The following APBB1IP variants were observed in gnomAD, a reference collection of about 807,000 sequenced individuals.
APBB1IP encodes amyloid beta precursor protein binding family B member 1 interacting protein.
Under a neutral mutation model 64.9 loss-of-function variants are expected in APBB1IP, and 27 were observed. The observed-to-expected ratio is 0.42, with a 90% CI of 0.31 to 0.57. The LOEUF is 0.57. Ranked by LOEUF, APBB1IP falls within the 20% of genes least tolerant of loss-of-function variation. The probability of loss-of-function intolerance (pLI) is 0.20; values close to 1 mark genes in which losing one functional copy is unlikely to be tolerated. For missense variants in APBB1IP, 812 were observed against 845.5 expected, an observed-to-expected ratio of 0.96 and a Z score of 0.49; for synonymous variants, 392 against 331.0, an observed-to-expected ratio of 1.18 and a Z score of -2.00.
intron 2 of APBB1IP, among the ~76,000 whole-genome samples, chr10:26,446,275 A>G (rs1835397470): frequency 6.6e-6 from 1 of 152,218 alleles, no homozygotes; most frequent in African/African-American, 2.4e-5. Context: ...CAATGAACTC[A>G]TTAGGTTTTG....
intron 2 of APBB1IP, among the ~76,000 whole-genome samples, chr10:26,481,290 TCTCA>T (rs1835831765): frequency 6.6e-6 from 1 of 152,108 alleles, no homozygotes; most frequent in African/African-American, 2.4e-5. Flanking sequence ...TGTTCAGTTC[TCTCA>T]CTTTTTTCTA....
chr10:26,506,969 G>A (rs553034496), intron 6 of APBB1IP, among the ~76,000 whole-genome samples: 2 of 152,262 alleles, frequency 1.3e-5, no homozygotes, highest in East Asian at 1.9e-4. Flanking sequence ...GATGCATGTG[G>A]GTGTGGTGCT....
At chr10:26,519,791 G>A (rs1836381183) in intron 8 of APBB1IP, among the ~76,000 whole-genome samples, 1 of 152,178 alleles carries the variant, frequency 6.6e-6, no homozygotes, top group South Asian at 2.1e-4. Flanking sequence ...CCAATTTTAA[G>A]TAAATGTATT....
chr10:26,453,891 A>G (rs970729269), intron 2 of APBB1IP, among the ~76,000 whole-genome samples: 3 of 152,244 alleles, frequency 2.0e-5, no homozygotes, highest in Non-Finnish European at 4.4e-5. Context: ...GAAGGAAATC[A>G]GTATATCAAA....
At chr10:26,557,810 G>A (rs571246894) in intron 11 of APBB1IP, among the ~76,000 whole-genome samples, 1 of 152,332 alleles carries the variant, frequency 6.6e-6, no homozygotes, top group African/African-American at 2.4e-5. Flanking sequence ...AGAGTGACTA[G>A]ACGCTGCCAG....
rs1364945625 is a variant in APBB1IP, at chr10:26,550,362, ACT to A, written c.1155+8677_1155+8678del. On this transcript the variant is annotated intron_variant, in intron 11 of 14. Transcript: ENST00000376236. ...AGCTTTCTATCCCTTTTCATTCTTT[ACT>A]CTCTCTTTAAAGTTAGTTACATGTA... 2.7e-4 allele frequency among the ~76,000 whole-genome samples: 41 copies of A among 149,168 alleles called. 1 individual carries two copies. Among genetic ancestry groups the A allele is most frequent in the Admixed American group, 2.7e-3 (40 of 14,978 alleles).
At chr10:26,526,508 CAGG>C (rs954708997) in intron 8 of APBB1IP, among the ~76,000 whole-genome samples, 14 of 140,810 alleles carry the variant, frequency 9.9e-5, no homozygotes, top group African/African-American at 3.5e-4. Flanking sequence ...ATCACGAAGT[CAGG>C]AGATCAAGAC....
At chr10:26,446,541 T>G (rs1330621280) in intron 2 of APBB1IP, among the ~76,000 whole-genome samples, 5 of 152,342 alleles carry the variant, frequency 3.3e-5, no homozygotes, top group Non-Finnish European at 5.9e-5. Flanking sequence ...CAGTACTCAC[T>G]GTTCCTCAAG....
chr10:26,468,712 G>A (rs146295196), intron 2 of APBB1IP, among the ~76,000 whole-genome samples: 239 of 152,318 alleles, frequency 1.6e-3, no homozygotes, highest in African/African-American at 5.6e-3. Flanking sequence ...AATAGCCACT[G>A]GTCCAGCCAT....
intron 14 of APBB1IP, among the ~76,000 whole-genome samples, chr10:26,566,265 TAG>T (rs968524502): frequency 6.6e-6 from 1 of 151,754 alleles, no homozygotes; most frequent in Non-Finnish European, 1.5e-5. Flanking sequence ...AAAATATATA[TAG>T]AGAGAGAGAC....
At chr10:26,510,892 G>A (rs1722127804) in intron 6 of APBB1IP, among the ~76,000 whole-genome samples, 1 of 152,076 alleles carries the variant, frequency 6.6e-6, no homozygotes, top group Non-Finnish European at 1.5e-5. Context: ...CTGTCTCTCA[G>A]TGGGGCCCCC....
At chr10:26,475,047 G>C (rs1032926660) in intron 2 of APBB1IP, among the ~76,000 whole-genome samples, 4 of 152,128 alleles carry the variant, frequency 2.6e-5, no homozygotes, top group African/African-American at 9.7e-5. Context: ...AGATGAGAAC[G>C]TGGCTCTATG....
intron 9 of APBB1IP, 99 bp from the exon 10 acceptor site, chr10:26,535,975 C>A: frequency 7.7e-7 from 1 of 1,299,328 alleles, no homozygotes; most frequent in Non-Finnish European, 1.1e-6. Flanking sequence ...ACAAAATTGA[C>A]TTTTAGTTTA....
chr10:26,447,169 C>T (rs185433353), intron 2 of APBB1IP, among the ~76,000 whole-genome samples: 2 of 151,634 alleles, frequency 1.3e-5, no homozygotes, highest in African/African-American at 2.4e-5. Flanking sequence ...GTCAGGAGAT[C>T]GAGACCATCC....
chr10:26,460,701 C>T (rs538811908), intron 2 of APBB1IP, among the ~76,000 whole-genome samples: 58 of 152,258 alleles, frequency 3.8e-4, no homozygotes, highest in Admixed American at 7.9e-4. Flanking sequence ...AATGCAGGAA[C>T]GGAAAACTAC....
At chr10:26,478,631 G>GA (rs1835802993) in intron 2 of APBB1IP, among the ~76,000 whole-genome samples, 1 of 151,286 alleles carries the variant, frequency 6.6e-6, no homozygotes, top group Non-Finnish European at 1.5e-5. Context: ...AAAAAAAAAG[G>GA]AAAAGAAAGA....
At chr10:26,521,235 T>C (rs939923900) in intron 8 of APBB1IP, among the ~76,000 whole-genome samples, 9 of 152,186 alleles carry the variant, frequency 5.9e-5, no homozygotes, top group Non-Finnish European at 1.0e-4. Flanking sequence ...AAGACCATCA[T>C]TGGTTCTCCA....
Position 26,567,643 on chromosome 10 carries a change from A to G in APBB1IP, c.*155A>G, listed in dbSNP as rs1358489210. The G allele has an allele frequency of 1.4e-6, 2 of 1,391,860 alleles. No homozygotes were observed. Among genetic ancestry groups the G allele is most frequent in the Admixed American group, 4.8e-5 (2 of 41,882 alleles). 86.2% of individuals were successfully genotyped at this position (1,391,860 alleles called of 1,614,324 possible). A position where few individuals can be genotyped will look rare whatever the true frequency, so the allele number is the denominator to read the frequency against. Reference sequence around the variant, plus strand: ...CAAGTACAGGCATAACCATTAACCCAGTAGAGTTCAGAATATCTGCCCAAA... The same window carrying G: ...CAAGTACAGGCATAACCATTAACCCGGTAGAGTTCAGAATATCTGCCCAAA... On this transcript the variant is annotated 3_prime_UTR_variant, in exon 15 of 15. Coordinates refer to ENST00000376236, the MANE Select transcript of APBB1IP (RefSeq NM_019043.4).
intron 6 of APBB1IP, among the ~76,000 whole-genome samples, chr10:26,511,209 T>C (rs3781104): frequency 0.14 from 21,073 of 152,022 alleles, 1,787 homozygotes; most frequent in East Asian, 0.33. Flanking sequence ...CTGGGCATGG[T>C]AGCAGGCACC....
Sources: gnomAD v4.1 joint callset for allele counts (sites outside exome capture counted in the v4.1 genomes callset) on GRCh38, gnomAD v4.1.1 for gene constraint, MANE v1.5 for transcripts, NCBI Gene and HGNC (gene_info 2026-07-23, HGNC 2026-07-21) for gene names.